RPGRIP1: variants seen among roughly 807,000 people sequenced by gnomAD.
RPGRIP1 encodes the protein RPGR interacting protein 1, also known as X-linked retinitis pigmentosa GTPase regulator-interacting protein 1.
A neutral mutation model predicts 157.9 loss-of-function variants in RPGRIP1; 128 were observed. That is an observed-to-expected ratio of 0.81 (90% CI 0.70 to 0.94). The LOEUF (loss-of-function observed/expected upper bound fraction) is 0.94. RPGRIP1 is among the 40% of genes least tolerant of loss of function. RPGRIP1 has a pLI of 0.00. For missense variants in RPGRIP1, 1,486 were observed against 1,545.8 expected, an observed-to-expected ratio of 0.96 and a Z score of 0.65; for synonymous variants, 554 against 571.6, an observed-to-expected ratio of 0.97 and a Z score of 0.44.
intron 16 of RPGRIP1, 81 bp downstream of exon 16, chr14:21,325,464 A>C: frequency 1.5e-6 from 2 of 1,306,958 alleles, no homozygotes; most frequent in Non-Finnish European, 2.1e-6. Context: ...TTCCACTCTC[A>C]ATAAGTGTTT....
chr14:21,304,576 T>G (rs1479275148), intron 6 of RPGRIP1, among the ~76,000 whole-genome samples: 2 of 152,112 alleles, frequency 1.3e-5, no homozygotes, highest in East Asian at 3.9e-4. Context: ...CCTGGAAAAC[T>G]TTTTTAAAAA....
chr14:21,308,610 G>A (rs1360625584), intron 7 of RPGRIP1, among the ~76,000 whole-genome samples: 1 of 152,152 alleles, frequency 6.6e-6, no homozygotes, highest in Non-Finnish European at 1.5e-5. Context: ...CTTGTCTCAC[G>A]CGAATTAGAT....
intron 2 of RPGRIP1, among the ~76,000 whole-genome samples, chr14:21,289,154 C>T (rs1050490768): frequency 5.3e-5 from 8 of 151,936 alleles, no homozygotes; most frequent in South Asian, 2.1e-4. Context: ...GGTGAAACCC[C>T]GTCTCTACTA....
At chr14:21,337,780 G>A (rs1381169783) in intron 21 of RPGRIP1, among the ~76,000 whole-genome samples, 6 of 107,714 alleles carry the variant, frequency 5.6e-5, no homozygotes, top group East Asian at 2.8e-4. Context: ...TTTTTTTTTA[G>A]AGTCTCGCTC....
intron 3 of RPGRIP1, among the ~76,000 whole-genome samples, chr14:21,299,515 A>G (rs1880936040): frequency 6.6e-6 from 1 of 152,160 alleles, no homozygotes; most frequent in East Asian, 1.9e-4. Flanking sequence ...GGGTATAATG[A>G]TATGTAATAA....
rs534132841 is a variant in RPGRIP1 at position 21,282,878 on chromosome 14, G to A, written c.-39+2719G>A. ...ACCCATCTCGGCCTCCCAAAGTGCT[G>A]GGATTACAGGCGTGAGCCACTGTGC... On this transcript the variant is annotated intron_variant, in intron 1 of 24. Transcript: ENST00000400017. 7.9e-5 allele frequency among the ~76,000 whole-genome samples: 12 copies of A among 152,216 alleles called. No individual in the cohort carries two copies. The East Asian group carries it at 2.3e-3, about 29-fold the overall frequency.
intron 7 of RPGRIP1, among the ~76,000 whole-genome samples, chr14:21,308,265 A>G (rs947340406): frequency 1.3e-5 from 2 of 152,226 alleles, no homozygotes; most frequent in African/African-American, 4.8e-5. Flanking sequence ...AAGCCTGACA[A>G]CAGCCCTCAA....
In RPGRIP1 at chr14:21,312,924, C is replaced by T. The variant is rs555717422; in HGVS notation, c.1151+418C>T. On this transcript the variant is annotated intron_variant, in intron 10 of 24. Transcript: ENST00000400017. ...CTAGGCTTACTGCAGCCCCAGTCTC[C>T]CAGGCTCAAGCAATCCTCCCACCTC... 3.3e-5 allele frequency among the ~76,000 whole-genome samples: 5 copies of T among 152,080 alleles called. No homozygotes were observed. In the East Asian group the frequency reaches 9.7e-4, roughly 30 times the overall value.
Position 21,332,099 on chromosome 14 carries a change from C to T in RPGRIP1, c.3238+1712C>T, listed in dbSNP as rs535056212. On this transcript the variant is annotated intron_variant, in intron 20 of 24. Coordinates refer to ENST00000400017, the MANE Select transcript of RPGRIP1 (RefSeq NM_020366.4). Reference sequence around the variant, plus strand: ...GACTACAGGTGTGCCCCACTATGCCCGGCTAATATTTGTATTTTTAGTAGA... The same window carrying T: ...GACTACAGGTGTGCCCCACTATGCCTGGCTAATATTTGTATTTTTAGTAGA... Among the ~76,000 whole-genome samples, 436 of 151,664 alleles carry T rather than the reference C, an allele frequency of 2.9e-3. 2 individuals are homozygous for T. Among genetic ancestry groups the T allele is most frequent in the African/African-American group, 8.8e-3 (364 of 41,374 alleles).
At chr14:21,350,979 C>T in intron 24 of RPGRIP1, 125 bp from the exon 25 acceptor site, 2 of 587,134 alleles carry the variant, frequency 3.4e-6, no homozygotes, top group South Asian at 4.9e-5. Context: ...TTCTCCTTCA[C>T]TAGATTGAGT....
chr14:21,346,066 C>T (rs889126902), intron 23 of RPGRIP1, among the ~76,000 whole-genome samples: 2 of 152,166 alleles, frequency 1.3e-5, no homozygotes, highest in African/African-American at 4.8e-5. Flanking sequence ...CTGCCTCAGA[C>T]TCCCAAAGTG....
chr14:21,301,714 A>C (rs1881040913), intron 4 of RPGRIP1, among the ~76,000 whole-genome samples: 1 of 115,914 alleles, frequency 8.6e-6, no homozygotes, highest in Admixed American at 8.9e-5. Context: ...TAATAATAAT[A>C]ATAATAATAA....
At chr14:21,300,023 C>T (rs143377249) in intron 3 of RPGRIP1, among the ~76,000 whole-genome samples, 1 of 152,282 alleles carries the variant, frequency 6.6e-6, no homozygotes, top group African/African-American at 2.4e-5. Flanking sequence ...AGGCCGGGCG[C>T]GGTGGCTCAC....
chr14:21,343,720 G>T (rs913984595), intron 22 of RPGRIP1, among the ~76,000 whole-genome samples: 1 of 151,896 alleles, frequency 6.6e-6, no homozygotes, highest in Admixed American at 6.6e-5. Flanking sequence ...TCAAACTCCT[G>T]ACCTCAAGTG....
intron 1 of RPGRIP1, among the ~76,000 whole-genome samples, chr14:21,282,207 A>T (rs1880157003): frequency 6.6e-6 from 1 of 152,140 alleles, no homozygotes; most frequent in Non-Finnish European, 1.5e-5. Flanking sequence ...ATACTTGTCC[A>T]AGTGCACTGC....
chr14:21,282,770 C>G (rs76014628), intron 1 of RPGRIP1, among the ~76,000 whole-genome samples: 4 of 151,740 alleles, frequency 2.6e-5, no homozygotes, highest in African/African-American at 9.7e-5. Flanking sequence ...CCACCACACC[C>G]GGCTAATTTT....
At position 21,294,746 on chromosome 14, in the gene RPGRIP1, G is replaced by A. The variant is rs374171080; in HGVS notation, c.155G>A (p.Arg52Gln). 1.6e-5 allele frequency: 26 copies of A among 1,610,706 alleles called. No homozygotes were observed. Among genetic ancestry groups the A allele is most frequent in the Middle Eastern group, 1.7e-4 (1 of 6,054 alleles). Residue 52 changes from arginine to glutamine, a missense_variant, in exon 3 of 25, where the codon CGA (arginine) becomes CAA (glutamine). Coordinates refer to ENST00000400017, the MANE Select transcript of RPGRIP1 (RefSeq NM_020366.4). The part of the protein sequence containing the change: ...NREELEDSFF[R>Q]LREDHMLVKE... Reference sequence around the variant, plus strand: ...GAGGAATTGGAGGACAGTTTCTTTCGACTTCGCGAAGATCACATGTTGGTG... The same window carrying A: ...GAGGAATTGGAGGACAGTTTCTTTCAACTTCGCGAAGATCACATGTTGGTG...
chr14:21,332,008 G>A (rs1021413612), intron 20 of RPGRIP1, among the ~76,000 whole-genome samples: 4 of 144,470 alleles, frequency 2.8e-5, no homozygotes, highest in East Asian at 2.0e-4. Context: ...GCACAATCTC[G>A]GCTCACTGCA....
At chr14:21,309,272 G>A (rs991662769) in intron 7 of RPGRIP1, among the ~76,000 whole-genome samples, 1 of 152,154 alleles carries the variant, frequency 6.6e-6, no homozygotes, top group Non-Finnish European at 1.5e-5. Flanking sequence ...AGCACTTTGG[G>A]AGGTCAAGGA....
Sources: gnomAD v4.1 joint callset for allele counts (sites outside exome capture counted in the v4.1 genomes callset) on GRCh38, gnomAD v4.1.1 for gene constraint, MANE v1.5 for transcripts, NCBI Gene and HGNC (gene_info 2026-07-23, HGNC 2026-07-21) for gene names.